The following SRA1 variants were observed in gnomAD, a reference collection of about 807,000 sequenced individuals.
SRA1 encodes the protein steroid receptor RNA activator 1.
SRA1 carries 25 observed loss-of-function variants against 24.3 expected under a neutral mutation model. The ratio of observed to expected loss-of-function variants is 1.03; its 90% CI spans 0.75 to 1.43. The LOEUF is 1.43. SRA1 is among the 40% of genes most tolerant of loss of function. The pLI is 0.00. For missense variants in SRA1, 303 were observed against 286.6 expected, an observed-to-expected ratio of 1.06 and a Z score of -0.41; for synonymous variants, 104 against 109.5, an observed-to-expected ratio of 0.95 and a Z score of 0.31.
chr5:140,550,895 C>A lies in SRA1; in HGVS notation c.480G>T (p.Arg160=), dbSNP rs759341137. The change falls in exon 5 of 5, where the codon CGG becomes CGT. Residue 160 remains arginine (R), a synonymous_variant. Coordinates refer to ENST00000336283, the MANE Select transcript of SRA1 (RefSeq NM_001035235.4). ...GGTGGATGTCATCTGCTGCGTCCCA[C>A]CGGTGGCTTGAAAGCTCTGAAGAGA... ...ALLVQELSSH[R]WDAADDIHRS... 1.9e-6 allele frequency: 3 copies of A among 1,614,032 alleles called. No homozygotes were observed. Among genetic ancestry groups the A allele is most frequent in the African/African-American group, 1.3e-5 (1 of 74,906 alleles).
Position 140,552,133 on chromosome 5 carries a change from G to C in SRA1, c.203C>G (p.Pro68Arg). ...TGGGGACCTGGGAGCCTTACTTGAA[G>C]GAGGTGGAGGCCCCATTGGGGGAGG... ...PGPPPMGPPP[P>R]SSKAPRSPPV... Residue 68 changes from proline to arginine, a missense_variant, in exon 3 of 5, where the codon CCT becomes CGT. Coordinates refer to ENST00000336283, the MANE Select transcript of SRA1 (RefSeq NM_001035235.4). 1 of 1,612,070 alleles carries C rather than the reference G, an allele frequency of 6.2e-7. No homozygotes were observed. The highest frequency in any genetic ancestry group is 1.1e-5 in the South Asian group (1 of 90,638).
At chr5:140,551,261 T>C in intron 3 of SRA1, 92 bp from the exon 4 acceptor site, 2 of 920,894 alleles carry the variant, frequency 2.2e-6, no homozygotes, top group Non-Finnish European at 3.4e-6. Flanking sequence ...GCACCTGCTT[T>C]CTCTGGCCCA....
Position 140,550,851 on chromosome 5 carries a change from T to C in SRA1, c.524A>G (p.His175Arg), listed in dbSNP as rs1581395966. The C allele has an allele frequency of 6.2e-7, 1 of 1,614,174 alleles. No homozygotes were observed. The highest frequency in any genetic ancestry group is 8.5e-7 in the Non-Finnish European group (1 of 1,180,014). Residue 175 changes from histidine to arginine, a missense_variant, in exon 5 of 5, where the codon CAT (histidine) becomes CGT (arginine). Transcript: ENST00000336283. ...DDIHRSLMVD[H>R]VTEVSQWMVG... ...CATCCACTGACTGACCTCAGTCACA[T>C]GGTCAACCATGAGGGAGCGGTGGAT...
At chr5:140,557,390 G>A (rs1480649846) in intron 1 of SRA1, 38 bp downstream of exon 1, 1 of 1,599,056 alleles carries the variant, frequency 6.3e-7, no homozygotes, top group African/African-American at 1.3e-5. Flanking sequence ...CTAGGCCGGG[G>A]CGACAACCTA....
intron 2 of SRA1, among the ~76,000 whole-genome samples, chr5:140,556,458 C>T (rs1754698145): frequency 6.6e-6 from 1 of 152,166 alleles, no homozygotes; most frequent in Admixed American, 6.5e-5. Flanking sequence ...TTTCATCAGT[C>T]TCTGAATTGG....
Position 140,550,603 on chromosome 5 carries a change from C to A in SRA1, c.*97G>T, listed in dbSNP as rs1433372417. 2.5e-6 allele frequency: 3 copies of A among 1,216,394 alleles called. No individual in the cohort carries two copies. The highest frequency in any genetic ancestry group is 3.6e-6 in the Non-Finnish European group (3 of 827,994). 75.4% of individuals were successfully genotyped at this position (1,216,394 alleles called of 1,614,324 possible). A position where few individuals can be genotyped will look rare whatever the true frequency, so the allele number is the denominator to read the frequency against. ...TCTTCCCTCATAGGTGGGTCAGGCC[C>A]AGTGGGACAGTCTTGGTGGTGGTAA... is the stretch of plus-strand genomic sequence containing the variant. On this transcript the variant is annotated 3_prime_UTR_variant, in exon 5 of 5. Coordinates refer to ENST00000336283, the MANE Select transcript of SRA1 (RefSeq NM_001035235.4).
Position 140,550,809 on chromosome 5 carries a change from A to C in SRA1, c.566T>G (p.Leu189Ter). 6.2e-7 allele frequency: 1 copy of C among 1,614,078 alleles called. No homozygotes were observed. Among genetic ancestry groups the C allele is most frequent in the Non-Finnish European group, 8.5e-7 (1 of 1,180,000 alleles). The change falls in exon 5 of 5, where the codon TTA becomes TGA. Residue 189 changes from leucine (L) to a stop codon, truncating the protein, a stop_gained. Transcript: ENST00000336283. LOFTEE classifies it high-confidence loss of function. ...AAACAGACTCCTCTTTTCTGCAATT[A>C]ATCTTTTAACTCCTACCATCCACTG... ...VSQWMVGVKR[L>*]IAEKRSLFSE...
At chr5:140,557,616 C>T, upstream of SRA1, 2 of 754,982 alleles carry the variant, frequency 2.6e-6, no homozygotes, top group South Asian at 1.8e-5. Context: ...GCGGCAACTC[C>T]CTAAGACTCG....
At chr5:140,551,213 A>G in intron 3 of SRA1, 44 bp from the exon 4 acceptor site, 10 of 1,500,880 alleles carry the variant, frequency 6.7e-6, no homozygotes, top group Admixed American at 1.7e-5. Context: ...TGCCAGCCCA[A>G]TGAGGGGAGG....
chr5:140,555,781 A>G (rs919402901), intron 2 of SRA1, among the ~76,000 whole-genome samples: 2 of 151,070 alleles, frequency 1.3e-5, no homozygotes, highest in East Asian at 3.9e-4. Flanking sequence ...CAGTCTTCCT[A>G]TATCAAGCAA....
In SRA1 at chr5:140,550,677, C is replaced by CG; in HGVS notation, c.*22dup. On this transcript the variant is annotated 3_prime_UTR_variant, in exon 5 of 5. Coordinates refer to ENST00000336283, the MANE Select transcript of SRA1 (RefSeq NM_001035235.4). ...TCTCCAAGGCATAGGAGATGGTGTC[C>CG]GGTGAGTCTGGGGAACCGAGGATTA... 1 of 1,610,790 alleles carries CG rather than the reference C, an allele frequency of 6.2e-7. No homozygotes were observed. Among genetic ancestry groups the CG allele is most frequent in the East Asian group, 2.2e-5 (1 of 44,876 alleles).
intron 3 of SRA1, 95 bp from the exon 4 acceptor site, chr5:140,551,264 C>A: frequency 4.6e-6 from 4 of 871,034 alleles, no homozygotes; most frequent in Non-Finnish European, 7.2e-6. Flanking sequence ...CCTGCTTTCT[C>A]TGGCCCACAC....
intron 2 of SRA1, among the ~76,000 whole-genome samples, chr5:140,555,191 G>C (rs1013031247): frequency 6.6e-6 from 1 of 150,584 alleles, no homozygotes; most frequent in Non-Finnish European, 1.5e-5. Flanking sequence ...TCTCTATCTT[G>C]ATGTCTCAGC....
intron 1 of SRA1, 27 bp downstream of exon 1, chr5:140,557,401 G>T: frequency 6.3e-7 from 1 of 1,591,006 alleles, no homozygotes. Context: ...CGACAACCTA[G>T]TGCCCTAGCC....
At chr5:140,557,572 G>T, upstream of SRA1, 1 of 1,211,476 alleles carries the variant, frequency 8.3e-7, no homozygotes, top group Non-Finnish European at 1.1e-6. Flanking sequence ...ATGGATGCTG[G>T]TTCACAACCG....
intron 2 of SRA1, 150 bp downstream of exon 2, chr5:140,556,997 A>G (rs1754723533): frequency 5.9e-6 from 4 of 676,176 alleles, no homozygotes; most frequent in Non-Finnish European, 1.0e-5. Flanking sequence ...GGCTCGGAAA[A>G]GCACCTGCTC....
intron 1 of SRA1, 22 bp from the exon 2 acceptor site, chr5:140,557,294 G>A (rs372474958): frequency 1.2e-6 from 2 of 1,608,834 alleles, no homozygotes; most frequent in Non-Finnish European, 1.7e-6. Flanking sequence ...AGGGATGTGT[G>A]AAGCGAGCCC....
Position 140,557,430 on chromosome 5 carries a change from G to T in SRA1, c.23C>A (p.Pro8Gln), listed in dbSNP as rs771291291. Residue 8 changes from proline to glutamine, a missense_variant and splice_region_variant, in exon 1 of 5, where the codon CCG becomes CAG. Physicochemically the swap from Pro to Gln is moderately conservative, Grantham distance 76. Coordinates refer to ENST00000336283, the MANE Select transcript of SRA1 (RefSeq NM_001035235.4). ...CCTAGCCCGCCGGCTGCGCTCACCC[G>T]GCTTCACGTACAGCTCCGCCATCTC... MAELYVK[P>Q]GNKERGWNDP... 10 of 1,571,254 alleles carry T rather than the reference G, an allele frequency of 6.4e-6. No individual in the cohort carries two copies. Among genetic ancestry groups the T allele is most frequent in the Non-Finnish European group, 8.6e-6 (10 of 1,160,194 alleles).
Position 140,552,241 on chromosome 5 carries a change from C to G in SRA1, c.152-57G>C, listed in dbSNP as rs1754585853. 2.3e-6 allele frequency: 3 copies of G among 1,292,736 alleles called. No individual in the cohort carries two copies. In the Admixed American group the frequency reaches 8.0e-5, roughly 35 times the overall value. The allele number at this position is 1,292,736 out of a possible 1,614,324, so 80.1% of individuals were successfully genotyped here. A position where few individuals can be genotyped will look rare whatever the true frequency, so the allele number is the denominator to read the frequency against. On this transcript the variant is annotated intron_variant, in intron 2 of 4. Coordinates refer to ENST00000336283, the MANE Select transcript of SRA1 (RefSeq NM_001035235.4). ...GCTTAAATGGGTAAGAAGCTTAACTCTAAATTCACCCCTTCTAAGAAGGGC... is the reference window on the plus strand; with the variant it reads ...GCTTAAATGGGTAAGAAGCTTAACTGTAAATTCACCCCTTCTAAGAAGGGC...
Sources: gnomAD v4.1 joint callset for allele counts (sites outside exome capture counted in the v4.1 genomes callset) on GRCh38, gnomAD v4.1.1 for gene constraint, MANE v1.5 for transcripts, NCBI Gene and HGNC (gene_info 2026-07-23, HGNC 2026-07-21) for gene names.